Variants in ADK observed in about 807,000 individuals in gnomAD.
ADK encodes the protein N6,N6-dimethyladenosine kinase.
ADK carries 24 observed loss-of-function variants against 44.7 expected under a neutral mutation model. The observed-to-expected ratio is 0.54, with a 90% CI of 0.39 to 0.76. The LOEUF is 0.76. Ranked by LOEUF, ADK falls within the 30% of genes least tolerant of loss-of-function variation. The pLI, the probability that ADK is intolerant of heterozygous loss-of-function variation, is 0.00. For synonymous variants in ADK, 128 were observed against 142.6 expected (o/e 0.90, Z 0.73); for missense variants, 321 against 425.1 (o/e 0.76, Z 2.15).
rs1258038005 is a variant in ADK, at chr10:74,309,715, A to G, written c.195-4952A>G. Reference sequence around the variant, plus strand: ...AACACCATCACTCTTGAAAAGAAAAAGTCCAACAGAGGTCCTAGACCTGTG... The same window carrying G: ...AACACCATCACTCTTGAAAAGAAAAGGTCCAACAGAGGTCCTAGACCTGTG... On this transcript the variant is annotated intron_variant, in intron 3 of 10. Transcript: ENST00000539909. 3.4e-4 allele frequency among the ~76,000 whole-genome samples: 52 copies of G among 152,112 alleles called. 1 individual carries two copies. The highest frequency in any genetic ancestry group is 3.4e-3 in the Admixed American group (52 of 15,264).
At chr10:74,274,732 G>GTATATGTATATATATATATATATATA (rs1846594719) in intron 3 of ADK, among the ~76,000 whole-genome samples, 1 of 84,170 alleles carries the variant, frequency 1.2e-5, no homozygotes, top group Non-Finnish European at 2.6e-5. Flanking sequence ...TTTAATGTGT[G>GTATATGTATATATATATATATATATA]TATATATATA....
At chr10:74,504,709 G>A (rs572346628) in intron 6 of ADK, among the ~76,000 whole-genome samples, 2 of 152,154 alleles carry the variant, frequency 1.3e-5, no homozygotes, top group South Asian at 4.2e-4. Context: ...GATCATGGGG[G>A]CCATTTCCCC....
In ADK at chr10:74,547,442, ATATATT is replaced by A. The variant is rs1211312136; in HGVS notation, c.726+22020_726+22025del. On this transcript the variant is annotated intron_variant, in intron 7 of 10. Transcript: ENST00000539909. ...CATTTTTCCCACTTTATATATATAT[ATATATT>A]TATTTATTTATTTATTTATTTATTT... is the stretch of plus-strand genomic sequence containing the variant. 8.3e-3 allele frequency among the ~76,000 whole-genome samples: 171 copies of A among 20,480 alleles called. 2 individuals carry two copies. Among genetic ancestry groups the A allele is most frequent in the East Asian group, 0.028 (62 of 2,190 alleles). The allele number at this position is 20,480 out of a possible 152,430, so 13.4% of individuals were successfully genotyped here.
At position 74,474,310 on chromosome 10, in the gene ADK, C is replaced by T. The variant is rs573077283; in HGVS notation, c.556-50946C>T. ...AAGAGGCAGGGCCTCACTGTGTTACCGAGCCTAGTCTCAAATGCCTGAACT... is the reference window on the plus strand; with the variant it reads ...AAGAGGCAGGGCCTCACTGTGTTACTGAGCCTAGTCTCAAATGCCTGAACT... On this transcript the variant is annotated intron_variant, in intron 6 of 10. Transcript: ENST00000539909. Among the ~76,000 whole-genome samples, 170 of 152,148 alleles carry T rather than the reference C, an allele frequency of 1.1e-3. 2 individuals are homozygous for T. Among genetic ancestry groups the T allele is most frequent in the South Asian group, 6.2e-3 (30 of 4,804 alleles).
chr10:74,200,748 T>C lies in ADK; in HGVS notation c.66-16T>C, dbSNP rs1843350004. ...CTTTTAGAAGTATTTCTAACTTGTG[T>C]TTTGTGTTTTTTTAGAGAAAATATT... On this transcript the variant is annotated splice_polypyrimidine_tract_variant and intron_variant, in intron 1 of 10. Transcript: ENST00000539909. 5.7e-6 allele frequency: 9 copies of C among 1,569,552 alleles called. No homozygotes were observed. In the East Asian group the frequency reaches 2.0e-4, roughly 35 times the overall value.
chr10:74,527,424 A>C (rs1849096148), intron 7 of ADK, among the ~76,000 whole-genome samples: 1 of 152,240 alleles, frequency 6.6e-6, no homozygotes, highest in African/African-American at 2.4e-5. Flanking sequence ...TTGGAAGTAA[A>C]GAAAGCTTAG....
chr10:74,208,741 T>C (rs532540565), intron 2 of ADK, among the ~76,000 whole-genome samples: 126 of 152,016 alleles, frequency 8.3e-4, no homozygotes, highest in Non-Finnish European at 1.5e-3. Context: ...TTTATTTTTT[T>C]ATTTTTTATT....
chr10:74,270,139 T>C (rs1846370762), intron 3 of ADK, among the ~76,000 whole-genome samples: 1 of 152,228 alleles, frequency 6.6e-6, no homozygotes. Flanking sequence ...ATAGGAGTTA[T>C]TTTGAAGAAT....
intron 4 of ADK, among the ~76,000 whole-genome samples, chr10:74,391,700 C>A (rs1263863552): frequency 1.3e-5 from 2 of 149,810 alleles, no homozygotes; most frequent in African/African-American, 2.5e-5. Flanking sequence ...CACACACATT[C>A]TCTTTTATGT....
chr10:74,421,272 G>T (rs10762611), intron 6 of ADK, among the ~76,000 whole-genome samples: 95,524 of 151,868 alleles, frequency 0.63, 31,681 homozygotes, highest in Middle Eastern at 0.79. Flanking sequence ...CGGTATGGGT[G>T]AACAGTTCTG....
At chr10:74,412,828 C>T (rs1404860611) in intron 6 of ADK, among the ~76,000 whole-genome samples, 6 of 152,054 alleles carry the variant, frequency 3.9e-5, no homozygotes, top group Non-Finnish European at 8.8e-5. Flanking sequence ...GAGGCCAAGG[C>T]GGGAGGATCA....
chr10:74,404,302 A>C (rs536860430), intron 6 of ADK, among the ~76,000 whole-genome samples: 1 of 152,180 alleles, frequency 6.6e-6, no homozygotes, highest in Non-Finnish European at 1.5e-5. Context: ...ATTGTCAAAT[A>C]TATATTTTAA....
Position 74,567,946 on chromosome 10 carries a change from G to A in ADK, c.727-21336G>A, listed in dbSNP as rs558925532. On this transcript the variant is annotated intron_variant, in intron 7 of 10. Transcript: ENST00000539909. ...AATCTCCTGACCTCGTAATCCGCCC[G>A]CCTCAGCTTCCCAAAGTGCTGGGAT... 5.3e-5 allele frequency among the ~76,000 whole-genome samples: 8 copies of A among 152,022 alleles called. No homozygotes were observed. The South Asian group carries it at 1.2e-3, about 24-fold the overall frequency.
chr10:74,558,031 A>G (rs1850324486), intron 7 of ADK, among the ~76,000 whole-genome samples: 1 of 152,184 alleles, frequency 6.6e-6, no homozygotes, highest in Non-Finnish European at 1.5e-5. Context: ...GCCACGATGC[A>G]CTGGGTCAGA....
At position 74,568,638 on chromosome 10, in the gene ADK, T is replaced by G. The variant is rs1464919907; in HGVS notation, c.727-20644T>G. ...CTGGTTGCCCATTTCTATGGTTATT[T>G]CTTTTTTTTTTTTTTACATGTTCTA... On this transcript the variant is annotated intron_variant, in intron 7 of 10. Coordinates refer to ENST00000539909, the MANE Select transcript of ADK (RefSeq NM_006721.4). Among the ~76,000 whole-genome samples the G allele has an allele frequency of 6.6e-5, 10 of 150,696 alleles. 1 individual carries two copies. The South Asian group carries it at 2.1e-3, about 31-fold the overall frequency.
intron 3 of ADK, among the ~76,000 whole-genome samples, chr10:74,258,947 GTTTTT>G (rs141424052): frequency 8.3e-5 from 8 of 96,114 alleles, no homozygotes; most frequent in African/African-American, 1.9e-4. Flanking sequence ...TTGTTTTTGT[GTTTTT>G]TTTTTTTTTT....
At chr10:74,503,641 A>G (rs1847952291) in intron 6 of ADK, among the ~76,000 whole-genome samples, 1 of 152,172 alleles carries the variant, frequency 6.6e-6, no homozygotes, top group Non-Finnish European at 1.5e-5. Context: ...TTTTGAGACA[A>G]AGAGATAATA....
At position 74,609,900 on chromosome 10, in the gene ADK, T is replaced by C. The variant is rs116768187; in HGVS notation, c.877+9407T>C. 4.5e-3 allele frequency among the ~76,000 whole-genome samples: 684 copies of C among 152,304 alleles called. 5 individuals carry two copies. Among genetic ancestry groups the C allele is most frequent in the African/African-American group, 0.016 (657 of 41,574 alleles). ...AGTATTTTCCGCTCACCCTGTTTTA[T>C]GGGTCATACCTCTTTCAGATTGAGT... On this transcript the variant is annotated intron_variant, in intron 9 of 10. Transcript: ENST00000539909.
At chr10:74,245,838 A>G (rs984649784) in intron 3 of ADK, among the ~76,000 whole-genome samples, 2 of 152,002 alleles carry the variant, frequency 1.3e-5, no homozygotes, top group African/African-American at 4.8e-5. Context: ...TGATCCACTC[A>G]CCTCAGCCTC....
Sources: gnomAD v4.1 joint callset for allele counts (sites outside exome capture counted in the v4.1 genomes callset) on GRCh38, gnomAD v4.1.1 for gene constraint, MANE v1.5 for transcripts, NCBI Gene and HGNC (gene_info 2026-07-23, HGNC 2026-07-21) for gene names.